CSGALNACT1: variants seen among roughly 807,000 people sequenced by gnomAD.
CSGALNACT1 encodes chondroitin sulfate N-acetylgalactosaminyltransferase 1, also known as beta4GalNAcT-1.
A neutral mutation model predicts 51.0 loss-of-function variants in CSGALNACT1; 52 were observed. The ratio of observed to expected loss-of-function variants is 1.02; its 90% confidence interval spans 0.82 to 1.29. The LOEUF is 1.29. CSGALNACT1 is among the 50% of genes most tolerant of loss of function. The pLI is 0.00. For missense variants in CSGALNACT1, 935 were observed against 679.2 expected (o/e 1.38, Z -4.19); for synonymous variants, 341 against 254.4 (o/e 1.34, Z -3.24).
chr8:19,635,305 C>G (rs1165064927), intron 1 of CSGALNACT1, among the ~76,000 whole-genome samples: 3 of 152,214 alleles, frequency 2.0e-5, no homozygotes, highest in Non-Finnish European at 4.4e-5. Flanking sequence ...TGTGTTTGAG[C>G]TGCTTTTCTG....
intron 3 of CSGALNACT1, among the ~76,000 whole-genome samples, chr8:19,562,183 C>G (rs1185070005): frequency 6.6e-6 from 1 of 152,166 alleles, no homozygotes; most frequent in Non-Finnish European, 1.5e-5. Flanking sequence ...TGGGCTATAT[C>G]AAATAGAACC....
intron 3 of CSGALNACT1, among the ~76,000 whole-genome samples, chr8:19,567,360 A>G (rs1387997956): frequency 6.6e-6 from 1 of 152,216 alleles, no homozygotes; most frequent in Non-Finnish European, 1.5e-5. Flanking sequence ...ATAAAAGTCA[A>G]TCCAAAATAT....
intron 1 of CSGALNACT1, among the ~76,000 whole-genome samples, chr8:19,629,538 C>A (rs1478416914): frequency 6.6e-6 from 1 of 152,182 alleles, no homozygotes; most frequent in African/African-American, 2.4e-5. Flanking sequence ...AAATGCAAAC[C>A]GAGGCATATC....
chr8:19,454,737 G>A (rs1307335107), intron 5 of CSGALNACT1, among the ~76,000 whole-genome samples: 1 of 152,022 alleles, frequency 6.6e-6, no homozygotes. Context: ...AAGTGTAGCT[G>A]TGCTGATTTC....
At chr8:19,713,516 G>A (rs1231669676) in intron 1 of CSGALNACT1, among the ~76,000 whole-genome samples, 1 of 152,184 alleles carries the variant, frequency 6.6e-6, no homozygotes, top group East Asian at 1.9e-4. Flanking sequence ...CTTCAGATGT[G>A]GTTAGTTAAG....
intron 6 of CSGALNACT1, among the ~76,000 whole-genome samples, chr8:19,427,502 G>C (rs978622480): frequency 6.6e-6 from 1 of 152,104 alleles, no homozygotes; most frequent in Non-Finnish European, 1.5e-5. Context: ...AAATTAGGGG[G>C]TGGCAGCCGG....
intron 1 of CSGALNACT1, among the ~76,000 whole-genome samples, chr8:19,748,829 G>A (rs1328035925): frequency 6.6e-6 from 1 of 152,092 alleles, no homozygotes; most frequent in African/African-American, 2.4e-5. Flanking sequence ...GCCGGGTGTG[G>A]TGGCGAGTGC....
At chr8:19,464,136 C>A (rs145942165) in intron 4 of CSGALNACT1, among the ~76,000 whole-genome samples, 2 of 152,166 alleles carry the variant, frequency 1.3e-5, no homozygotes. Context: ...ACACATTACA[C>A]TCATTCTCAA....
intron 6 of CSGALNACT1, among the ~76,000 whole-genome samples, chr8:19,438,232 G>A (rs1394814199): frequency 6.6e-6 from 1 of 152,136 alleles, no homozygotes; most frequent in Non-Finnish European, 1.5e-5. Flanking sequence ...TAAGGGAGCA[G>A]CCCCCAGGTG....
At chr8:19,506,645 G>C (rs1046471330) in intron 3 of CSGALNACT1, among the ~76,000 whole-genome samples, 3 of 152,164 alleles carry the variant, frequency 2.0e-5, no homozygotes, top group Non-Finnish European at 1.5e-5. Flanking sequence ...CTCAGGCATA[G>C]CTTAGTGCCA....
At chr8:19,659,666 G>A (rs2058596597) in intron 1 of CSGALNACT1, among the ~76,000 whole-genome samples, 2 of 152,118 alleles carry the variant, frequency 1.3e-5, no homozygotes, top group South Asian at 2.1e-4. Flanking sequence ...TTTTACATAT[G>A]AGTATAGAAT....
In CSGALNACT1 at chr8:19,423,042, C is replaced by T. The variant is rs181145270; in HGVS notation, c.954-2524G>A. ...CACAAACACAATGTATGAGCAAGTCCTTCCTCACTCAGGTTGCACCTGACT... is the reference window on the plus strand; with the variant it reads ...CACAAACACAATGTATGAGCAAGTCTTTCCTCACTCAGGTTGCACCTGACT... On this transcript the variant is annotated intron_variant, in intron 6 of 9. Coordinates refer to ENST00000454498, the Ensembl canonical transcript of CSGALNACT1. Among the ~76,000 whole-genome samples the T allele has an allele frequency of 8.1e-4, 124 of 152,312 alleles. 1 individual carries two copies. Among genetic ancestry groups the T allele is most frequent in the South Asian group, 6.4e-3 (31 of 4,822 alleles).
At chr8:19,474,141 G>A (rs184196980) in intron 4 of CSGALNACT1, among the ~76,000 whole-genome samples, 3 of 152,026 alleles carry the variant, frequency 2.0e-5, no homozygotes, top group Admixed American at 6.5e-5. Flanking sequence ...GATAAGCTAC[G>A]ACCAATGCCA....
At chr8:19,479,715 G>A (rs377512078) in intron 4 of CSGALNACT1, among the ~76,000 whole-genome samples, 1 of 150,360 alleles carries the variant, frequency 6.7e-6, no homozygotes, top group African/African-American at 2.5e-5. Flanking sequence ...TTCAGAAGCT[G>A]TGTGATTTAA....
chr8:19,405,766 CCTT>C (rs755074556), exon 10 of CSGALNACT1: 3 of 1,614,054 alleles, frequency 1.9e-6, no homozygotes, highest in African/African-American at 1.3e-5. Flanking sequence ...CTCCCACAAT[CCTT>C]CTCTGGGAGT....
chr8:19,666,791 GAAAGAA>G (rs2059230642), intron 1 of CSGALNACT1, among the ~76,000 whole-genome samples: 3 of 20,448 alleles, frequency 1.5e-4, no homozygotes, highest in East Asian at 9.0e-4. Flanking sequence ...AAGAAAGAAA[GAAAGAA>G]AGAAAGAAAG....
intron 3 of CSGALNACT1, among the ~76,000 whole-genome samples, chr8:19,581,910 TCTGA>T (rs1478798103): frequency 2.6e-5 from 4 of 152,242 alleles, no homozygotes; most frequent in Non-Finnish European, 5.9e-5. Context: ...ACAAATTTAT[TCTGA>T]CTTTCTCAAT....
chr8:19,413,503 T>A (rs1345162121), intron 8 of CSGALNACT1, among the ~76,000 whole-genome samples: 1 of 152,178 alleles, frequency 6.6e-6, no homozygotes, highest in Non-Finnish European at 1.5e-5. Context: ...TCTGTTCACA[T>A]TAATTTTGGT....
At position 19,757,283 on chromosome 8, in the gene CSGALNACT1, C is replaced by G. The variant is rs1387320453; in HGVS notation, c.-297+567G>C. 1 of 150,414 alleles carries G rather than the reference C, an allele frequency of 6.6e-6. No homozygotes were observed. Among genetic ancestry groups the G allele is most frequent in the Non-Finnish European group, 1.5e-5 (1 of 67,088 alleles). The allele number at this position is 150,414 out of a possible 1,614,324, so 9.3% of individuals were successfully genotyped here. A position where few individuals can be genotyped will look rare whatever the true frequency, so the allele number is the denominator to read the frequency against. ...GCCGCCGCGGACTCGGCTCCACCTC[C>G]CGCTCCGGCAGCCGCGGAGCCTCCA... On this transcript the variant is annotated intron_variant, in intron 1 of 1. Transcript: ENST00000517494. This position sits in a 1 kb window ranked among gnomAD's most constrained non-coding sequence, Gnocchi z 4.0.
Sources: allele counts gnomAD v4.1 joint callset (sites outside exome capture counted in the v4.1 genomes callset), GRCh38; gene constraint gnomAD v4.1.1; non-coding constraint Gnocchi (gnomAD v3.1); transcripts MANE v1.5; gene names NCBI Gene and HGNC (gene_info 2026-07-23, HGNC 2026-07-21).